Variants in SLIT3 observed in about 807,000 individuals in gnomAD.
The protein encoded by SLIT3 is slit homolog 3 protein.
Under a neutral mutation model 184.0 loss-of-function variants are expected in SLIT3, and 68 were observed. The ratio of observed to expected loss-of-function variants is 0.37; its 90% CI spans 0.30 to 0.45. SLIT3 has a LOEUF of 0.45. Among genes scored for constraint, SLIT3 ranks in the 20% least tolerant of loss-of-function variants. SLIT3 has a pLI of 1.00. For missense variants in SLIT3, 1,707 were observed against 2,026.0 expected, an observed-to-expected ratio of 0.84 and a Z score of 3.02; for synonymous variants, 831 against 828.6, an observed-to-expected ratio of 1.00 and a Z score of -0.05.
At chr5:169,036,144 A>G (rs543786426) in intron 4 of SLIT3, 2 of 152,336 alleles carry the variant, frequency 1.3e-5, no homozygotes, top group East Asian at 3.9e-4. Flanking sequence ...TTAACATGGA[A>G]AGAAGAAGAG....
chr5:169,249,935 C>T (rs1001989602), intron 2 of SLIT3, among the ~76,000 whole-genome samples: 1 of 152,258 alleles, frequency 6.6e-6, no homozygotes, highest in Non-Finnish European at 1.5e-5. Flanking sequence ...TTCAGATTCC[C>T]CATGTCCCCA....
At chr5:168,865,173 C>CAAAAAAA (rs70979103) in intron 5 of SLIT3, among the ~76,000 whole-genome samples, 14 of 55,968 alleles carry the variant, frequency 2.5e-4, no homozygotes, top group Non-Finnish European at 3.3e-4. Context: ...AACTCCGTCT[C>CAAAAAAA]AAAAAAAAAA....
intron 1 of SLIT3, among the ~76,000 whole-genome samples, chr5:169,258,050 T>C (rs1245457830): frequency 1.3e-5 from 2 of 152,176 alleles, no homozygotes; most frequent in Admixed American, 1.3e-4. Flanking sequence ...TAGGTACTAT[T>C]ACCTCATTTT....
intron 4 of SLIT3, among the ~76,000 whole-genome samples, chr5:169,025,791 A>G (rs1205150604): frequency 6.6e-6 from 1 of 152,196 alleles, no homozygotes; most frequent in African/African-American, 2.4e-5. Context: ...AAAAAAGTCT[A>G]AATCTAAAAA....
chr5:168,679,748 C>T (rs1230910871), intron 32 of SLIT3, among the ~76,000 whole-genome samples: 1 of 152,188 alleles, frequency 6.6e-6, no homozygotes, highest in African/African-American at 2.4e-5. Context: ...GCACAGCCCA[C>T]ACTCTCTCGG....
intron 3 of SLIT3, among the ~76,000 whole-genome samples, chr5:169,241,401 CT>C (rs2113573373): frequency 6.6e-6 from 1 of 152,260 alleles, no homozygotes; most frequent in African/African-American, 2.4e-5. Context: ...AATTTCTCAA[CT>C]TTGGCACTAG....
At chr5:168,734,932 T>C (rs1359841755) in intron 20 of SLIT3, among the ~76,000 whole-genome samples, 3 of 152,198 alleles carry the variant, frequency 2.0e-5, no homozygotes, top group Non-Finnish European at 2.9e-5. Context: ...CCCGGCGACC[T>C]GGCAGCACAG....
At chr5:168,693,596 G>C (rs987163446) in intron 28 of SLIT3, among the ~76,000 whole-genome samples, 2 of 152,178 alleles carry the variant, frequency 1.3e-5, no homozygotes, top group African/African-American at 4.8e-5. Flanking sequence ...ACTAGGTCAA[G>C]CCAGATGGAG....
chr5:168,703,450 G>A (rs1185767041), intron 26 of SLIT3, among the ~76,000 whole-genome samples: 4 of 152,188 alleles, frequency 2.6e-5, no homozygotes, highest in Non-Finnish European at 4.4e-5. Context: ...CAGCCGTGGC[G>A]TTAGATTCTC....
chr5:168,704,168 C>T (rs138177193), intron 26 of SLIT3, among the ~76,000 whole-genome samples: 34 of 152,096 alleles, frequency 2.2e-4, no homozygotes, highest in African/African-American at 8.0e-4. Flanking sequence ...TTAATAAGCT[C>T]TCCAGTGATT....
chr5:169,164,028 C>G (rs1762557562), intron 4 of SLIT3, among the ~76,000 whole-genome samples: 1 of 152,196 alleles, frequency 6.6e-6, no homozygotes. Flanking sequence ...TGAGCTATGA[C>G]AGACTCCAAC....
Position 168,911,908 on chromosome 5 carries a change from G to A in SLIT3, c.414-28572C>T, listed in dbSNP as rs111566001. On this transcript the variant is annotated intron_variant, in intron 4 of 35. Transcript: ENST00000519560. Reference sequence around the variant, plus strand: ...AAAATGTTGCCTGTGCTGAACTCCCGTTTATTTTTTGCATTGACTTTCACT... The same window carrying A: ...AAAATGTTGCCTGTGCTGAACTCCCATTTATTTTTTGCATTGACTTTCACT... Among the ~76,000 whole-genome samples the A allele has an allele frequency of 7.1e-3, 1,082 of 152,276 alleles. 16 individuals carry two copies. Among genetic ancestry groups the A allele is most frequent in the African/African-American group, 0.024 (1,014 of 41,552 alleles).
chr5:169,145,186 G>C (rs1435129177), intron 4 of SLIT3, among the ~76,000 whole-genome samples: 2 of 152,156 alleles, frequency 1.3e-5, no homozygotes, highest in Non-Finnish European at 1.5e-5. Context: ...CACCTCCTTA[G>C]ACCTGACCAG....
At chr5:168,918,248 A>G (rs1370589783) in intron 4 of SLIT3, among the ~76,000 whole-genome samples, 1 of 152,240 alleles carries the variant, frequency 6.6e-6, no homozygotes, top group African/African-American at 2.4e-5. Context: ...AGAAAAATGA[A>G]GCTGCATTTA....
intron 26 of SLIT3, among the ~76,000 whole-genome samples, chr5:168,701,360 G>T (rs910468439): frequency 6.6e-6 from 1 of 152,196 alleles, no homozygotes; most frequent in African/African-American, 2.4e-5. Flanking sequence ...GTGGGGTCCA[G>T]GCTTTGGTAT....
intron 14 of SLIT3, among the ~76,000 whole-genome samples, chr5:168,771,825 G>T (rs1259253113): frequency 6.6e-6 from 1 of 152,154 alleles, no homozygotes; most frequent in Non-Finnish European, 1.5e-5. Context: ...CTCTCCCCAC[G>T]CTGGCATTCT....
chr5:169,105,228 C>T (rs900199984), intron 4 of SLIT3, among the ~76,000 whole-genome samples: 16 of 152,058 alleles, frequency 1.1e-4, no homozygotes, highest in Admixed American at 3.3e-4. Flanking sequence ...GGGTGGGGGA[C>T]GGCTTCCCTC....
At chr5:169,141,670 C>T (rs1235494406) in intron 4 of SLIT3, among the ~76,000 whole-genome samples, 7 of 150,836 alleles carry the variant, frequency 4.6e-5, no homozygotes, top group Middle Eastern at 3.4e-3. Flanking sequence ...ACCCGGGAGG[C>T]GGAGCTTGCA....
At chr5:169,180,756 C>T (rs576289226) in intron 4 of SLIT3, among the ~76,000 whole-genome samples, 2 of 152,316 alleles carry the variant, frequency 1.3e-5, no homozygotes, top group Admixed American at 6.5e-5. Context: ...CTTTCACTCT[C>T]ATTTAAATAA....
Sources: gnomAD v4.1 joint callset for allele counts (sites outside exome capture counted in the v4.1 genomes callset) on GRCh38, gnomAD v4.1.1 for gene constraint, MANE v1.5 for transcripts, NCBI Gene and HGNC (gene_info 2026-07-23, HGNC 2026-07-21) for gene names.